The following GNAQ variants were observed in gnomAD, a reference collection of about 807,000 sequenced individuals.
GNAQ encodes guanine nucleotide-binding protein G(q) subunit alpha.
A neutral mutation model predicts 43.9 loss-of-function variants in GNAQ; 8 were observed. The observed-to-expected ratio is 0.18, with a 90% CI of 0.11 to 0.33. The LOEUF is 0.33. GNAQ is among the 10% of genes least tolerant of loss of function. The pLI is 1.00. For synonymous variants in GNAQ, 155 were observed against 170.7 expected (o/e 0.91, Z 0.71); for missense variants, 158 against 450.8 (o/e 0.35, Z 5.88).
At chr9:78,020,252 A>G (rs934117131) in intron 1 of GNAQ, among the ~76,000 whole-genome samples, 3 of 152,202 alleles carry the variant, frequency 2.0e-5, no homozygotes, top group Non-Finnish European at 2.9e-5. Context: ...GAGACATCTC[A>G]TAACACATCA....
chr9:77,747,422 G>A (rs1188498590), intron 5 of GNAQ, among the ~76,000 whole-genome samples: 1 of 152,106 alleles, frequency 6.6e-6, no homozygotes, highest in Non-Finnish European at 1.5e-5. Flanking sequence ...ACTGAAAAAG[G>A]TAGAGGAGAT....
At chr9:77,825,630 A>G (rs913337508) in intron 2 of GNAQ, among the ~76,000 whole-genome samples, 2 of 152,240 alleles carry the variant, frequency 1.3e-5, no homozygotes, top group Non-Finnish European at 2.9e-5. Context: ...CTGGGAAGGG[A>G]TATCAGACTC....
chr9:77,739,458 G>C (rs1365371378), intron 5 of GNAQ, among the ~76,000 whole-genome samples: 1 of 152,092 alleles, frequency 6.6e-6, no homozygotes, highest in Non-Finnish European at 1.5e-5. Context: ...TGATTTTAAT[G>C]TTTCTTACTA....
chr9:77,878,960 C>A (rs1828169154), intron 2 of GNAQ, among the ~76,000 whole-genome samples: 1 of 151,924 alleles, frequency 6.6e-6, no homozygotes, highest in Non-Finnish European at 1.5e-5. Flanking sequence ...GCAAGAGAAT[C>A]GCTTGAACTC....
intron 2 of GNAQ, among the ~76,000 whole-genome samples, chr9:77,820,149 A>G (rs1827090467): frequency 6.6e-6 from 1 of 151,882 alleles, no homozygotes; most frequent in Non-Finnish European, 1.5e-5. Flanking sequence ...ACAAATACCT[A>G]CTAGATTCTT....
At chr9:77,733,550 G>C (rs1412612615) in intron 5 of GNAQ, among the ~76,000 whole-genome samples, 4 of 152,088 alleles carry the variant, frequency 2.6e-5, no homozygotes, top group Admixed American at 6.5e-5. Flanking sequence ...TCAATATCCA[G>C]GTCAACCCAA....
chr9:77,909,984 A>G (rs1828773532), intron 2 of GNAQ, among the ~76,000 whole-genome samples: 1 of 152,194 alleles, frequency 6.6e-6, no homozygotes, highest in South Asian at 2.1e-4. Context: ...TACTAATGAA[A>G]ATCATGAGTA....
intron 5 of GNAQ, among the ~76,000 whole-genome samples, chr9:77,765,809 A>T (rs911932996): frequency 6.6e-6 from 1 of 152,262 alleles, no homozygotes; most frequent in African/African-American, 2.4e-5. Context: ...AATTCACGAC[A>T]GCCAAAAGGT....
At chr9:77,977,189 G>A (rs912652333) in intron 1 of GNAQ, among the ~76,000 whole-genome samples, 14 of 152,046 alleles carry the variant, frequency 9.2e-5, no homozygotes, top group African/African-American at 3.4e-4. Flanking sequence ...AAGGCAGAGC[G>A]CTTCCTTCAG....
rs1197574586 is a variant in GNAQ, at chr9:77,994,023, CTGTT to C, written c.136+37073_136+37076del. On this transcript the variant is annotated intron_variant, in intron 1 of 6. Coordinates refer to ENST00000286548, the MANE Select transcript of GNAQ (RefSeq NM_002072.5). ...GAGGGGCTTTGGGTTTTTTGTTTGT[CTGTT>C]TGTTTTTGAGACAAGGTCTTACTCT... Among the ~76,000 whole-genome samples the C allele has an allele frequency of 1.6e-4, 24 of 152,054 alleles. No individual in the cohort carries two copies. The East Asian group carries it at 4.7e-3, about 29-fold the overall frequency.
Position 77,768,614 on chromosome 9 carries a change from C to G in GNAQ, c.735+25849G>C, listed in dbSNP as rs974208585. On this transcript the variant is annotated intron_variant, in intron 5 of 6. Transcript: ENST00000286548. The stretch of plus-strand genomic sequence containing the variant: ...TTAACTTTAACGGCAAGCAGAAAAG[C>G]AGTTGAAGCATCCCTTTATTTTGAG... Among the ~76,000 whole-genome samples the G allele has an allele frequency of 3.0e-4, 45 of 152,198 alleles. 1 individual carries two copies. The highest frequency in any genetic ancestry group is 2.9e-3 in the Admixed American group (45 of 15,280).
intron 1 of GNAQ, among the ~76,000 whole-genome samples, chr9:77,975,837 C>A (rs993332005): frequency 1.3e-5 from 2 of 151,916 alleles, no homozygotes; most frequent in Admixed American, 1.3e-4. Context: ...CGCTCAGCCC[C>A]GTTATCGGCC....
At chr9:77,927,777 T>C (rs773297863) in intron 1 of GNAQ, among the ~76,000 whole-genome samples, 23 of 152,114 alleles carry the variant, frequency 1.5e-4, no homozygotes, top group African/African-American at 4.3e-4. Context: ...TCTGGAGATA[T>C]TGTCAAACTA....
intron 5 of GNAQ, among the ~76,000 whole-genome samples, chr9:77,778,427 A>G (rs1270801551): frequency 6.6e-6 from 1 of 152,054 alleles, no homozygotes; most frequent in Non-Finnish European, 1.5e-5. Context: ...AAATAAAAGA[A>G]GTATAACGAA....
chr9:77,823,726 G>A (rs1480166129), intron 2 of GNAQ, among the ~76,000 whole-genome samples: 1 of 152,108 alleles, frequency 6.6e-6, no homozygotes, highest in Non-Finnish European at 1.5e-5. Context: ...CAGATCTCAT[G>A]AGAACTCACT....
rs1466080107 is a variant in GNAQ at position 77,716,517 on chromosome 9, G to A, written c.*4806C>T. 2 of 232,752 alleles carry A rather than the reference G, an allele frequency of 8.6e-6. No homozygotes were observed. Among genetic ancestry groups the A allele is most frequent in the Non-Finnish European group, 1.7e-5 (2 of 117,834 alleles). 14.4% of individuals were successfully genotyped at this position (232,752 alleles called of 1,614,324 possible). ...AACAGGATGATGGGTGAGGAATCCA[G>A]CAAGGAGTTGCATTTAGAGAGTTCT... On this transcript the variant is annotated 3_prime_UTR_variant, in exon 7 of 7. Transcript: ENST00000286548.
chr9:77,975,815 C>T (rs567021283), intron 1 of GNAQ, among the ~76,000 whole-genome samples: 184 of 152,204 alleles, frequency 1.2e-3, no homozygotes, highest in African/African-American at 4.3e-3. Context: ...GGATTACAGG[C>T]GTGAGCCACT....
At chr9:77,836,727 C>T (rs1467866262) in intron 2 of GNAQ, among the ~76,000 whole-genome samples, 1 of 151,922 alleles carries the variant, frequency 6.6e-6, no homozygotes, top group African/African-American at 2.4e-5. Context: ...CTAGTAGTAT[C>T]CAAACTATCA....
At chr9:77,860,077 A>C (rs1039563980) in intron 2 of GNAQ, among the ~76,000 whole-genome samples, 1 of 152,208 alleles carries the variant, frequency 6.6e-6, no homozygotes, top group African/African-American at 2.4e-5. Flanking sequence ...TAACGTCTCC[A>C]TTTAATAGAA....
Sources: gnomAD v4.1 joint callset for allele counts (sites outside exome capture counted in the v4.1 genomes callset) on GRCh38, gnomAD v4.1.1 for gene constraint, MANE v1.5 for transcripts, NCBI Gene and HGNC (gene_info 2026-07-23, HGNC 2026-07-21) for gene names.